Variants in ZNF440 observed in about 807,000 individuals in gnomAD.
The protein encoded by ZNF440 is zinc finger protein 440.
In ZNF440, 47 loss-of-function variants were observed where a neutral mutation model predicts 49.7. That is an observed-to-expected ratio of 0.95 (90% CI 0.75 to 1.21). ZNF440 has a LOEUF of 1.21. ZNF440 is among the 50% of genes most tolerant of loss of function. The pLI is 0.00. For missense variants in ZNF440, 703 were observed against 715.0 expected, an observed-to-expected ratio of 0.98 and a Z score of 0.19; for synonymous variants, 255 against 237.7, an observed-to-expected ratio of 1.07 and a Z score of -0.67.
At chr19:11,819,403 T>G (rs951079975) in intron 1 of ZNF440, among the ~76,000 whole-genome samples, 18 of 145,738 alleles carry the variant, frequency 1.2e-4, no homozygotes, top group Middle Eastern at 3.2e-3. Context: ...TTGTTTGTTT[T>G]TTTGATTTTT....
rs1462499102 is a variant in ZNF440 at position 11,833,541 on chromosome 19, A to G, written c.*577A>G. ...TTCACTTCTTCCAGTTCTTTTCAATATCATGAAAGAACACACTAGGGAGAA... is the reference window on the plus strand; with the variant it reads ...TTCACTTCTTCCAGTTCTTTTCAATGTCATGAAAGAACACACTAGGGAGAA... On this transcript the variant is annotated 3_prime_UTR_variant, in exon 4 of 4. Transcript: ENST00000304060. The G allele has an allele frequency of 1.8e-5, 5 of 272,962 alleles. No individual in the cohort carries two copies. The highest frequency in any genetic ancestry group is 3.6e-5 in the Non-Finnish European group (5 of 140,380). 16.9% of individuals were successfully genotyped at this position (272,962 alleles called of 1,614,324 possible). A position where few individuals can be genotyped will look rare whatever the true frequency, so the allele number is the denominator to read the frequency against.
intron 1 of ZNF440, chr19:11,817,773 G>GTAGGGATC (rs1239882292): frequency 6.6e-6 from 1 of 152,118 alleles, no homozygotes; most frequent in Non-Finnish European, 1.5e-5. Flanking sequence ...TTTTTCTTAT[G>GTAGGGATC]TAGGGATCTT....
At chr19:11,823,719 T>C (rs934173703) in intron 1 of ZNF440, among the ~76,000 whole-genome samples, 1 of 152,172 alleles carries the variant, frequency 6.6e-6, no homozygotes, top group Admixed American at 6.6e-5. Flanking sequence ...ATCCCAATAT[T>C]TGGGAGGCCG....
In ZNF440 at chr19:11,834,419, G is replaced by C. The variant is rs955422763; in HGVS notation, c.*1455G>C. 6.6e-6 allele frequency: 1 copy of C among 152,258 alleles called. No homozygotes were observed. Among genetic ancestry groups the C allele is most frequent in the East Asian group, 1.9e-4 (1 of 5,192 alleles). 9.4% of individuals were successfully genotyped at this position (152,258 alleles called of 1,614,324 possible). A position where few individuals can be genotyped will look rare whatever the true frequency, so the allele number is the denominator to read the frequency against. On this transcript the variant is annotated 3_prime_UTR_variant, in exon 4 of 4. Coordinates refer to ENST00000304060, the MANE Select transcript of ZNF440 (RefSeq NM_152357.3). ...TGGGATTACAGACATGAACCATCATGCCCAGCTGCAACCCTAATTTTTCAT... is the reference window on the plus strand; with the variant it reads ...TGGGATTACAGACATGAACCATCATCCCCAGCTGCAACCCTAATTTTTCAT...
chr19:11,827,048 T>A (rs1014395736), intron 1 of ZNF440, among the ~76,000 whole-genome samples: 1 of 150,296 alleles, frequency 6.7e-6, no homozygotes, highest in Non-Finnish European at 1.5e-5. Flanking sequence ...TAGCGGGAGG[T>A]ATACTTGGAA....
intron 1 of ZNF440, among the ~76,000 whole-genome samples, chr19:11,826,865 T>C (rs1204844440): frequency 6.6e-6 from 1 of 151,948 alleles, no homozygotes; most frequent in African/African-American, 2.4e-5. Flanking sequence ...AGTTTCACTG[T>C]GTTGGCCAGG....
chr19:11,828,973 C>G (rs747740436), intron 1 of ZNF440, among the ~76,000 whole-genome samples: 6 of 152,164 alleles, frequency 3.9e-5, no homozygotes, highest in Admixed American at 2.6e-4. Flanking sequence ...CATGAGCCAC[C>G]ACGCCTGGCT....
chr19:11,826,035 C>T (rs1293043351), intron 1 of ZNF440, among the ~76,000 whole-genome samples: 38 of 152,064 alleles, frequency 2.5e-4, no homozygotes, highest in Admixed American at 2.5e-3. Context: ...TGGTCTCGAA[C>T]TCCTGACCTC....
chr19:11,815,643 G>A (rs1975724193), intron 1 of ZNF440, among the ~76,000 whole-genome samples: 1 of 152,152 alleles, frequency 6.6e-6, no homozygotes, highest in Non-Finnish European at 1.5e-5. Context: ...GGTGGCTCAC[G>A]CCTGTAATCC....
Position 11,814,413 on chromosome 19 carries a change from C to T in ZNF440, c.-35C>T, listed in dbSNP as rs765855792. ...TGACCTACACTAGTCGCGGGAGCCA[C>T]GCAGAGGACGCCGGAACACCCTGGA... is the stretch of plus-strand genomic sequence containing the variant. On this transcript the variant is annotated 5_prime_UTR_variant, in exon 1 of 4. In the 5' UTR this introduces an upstream ATG that the reference lacks. Transcript: ENST00000304060. 1.9e-6 allele frequency: 3 copies of T among 1,559,348 alleles called. No homozygotes were observed. The highest frequency in any genetic ancestry group is 2.6e-6 in the Non-Finnish European group (3 of 1,154,352).
chr19:11,828,906 A>G (rs907203533), intron 1 of ZNF440, among the ~76,000 whole-genome samples: 1 of 150,464 alleles, frequency 6.6e-6, no homozygotes, highest in African/African-American at 2.4e-5. Context: ...CTGATCTTGA[A>G]CTCCAACCCT....
Position 11,814,362 on chromosome 19 carries a change from C to T in ZNF440, c.-86C>T. ...GAGGGACTAGGTGCCTCCACCAGAG[C>T]TTCTGTCGCTCTGTAACCTGCACTG... On this transcript the variant is annotated 5_prime_UTR_variant, in exon 1 of 4. Coordinates refer to ENST00000304060, the MANE Select transcript of ZNF440 (RefSeq NM_152357.3). 6.9e-7 allele frequency: 1 copy of T among 1,451,958 alleles called. No individual in the cohort carries two copies. Among genetic ancestry groups the T allele is most frequent in the Non-Finnish European group, 9.1e-7 (1 of 1,092,940 alleles). The allele number at this position is 1,451,958 out of a possible 1,614,324, so 89.9% of individuals were successfully genotyped here.
chr19:11,831,930 G>GGA lies in ZNF440; in HGVS notation c.757_758dup (p.Pro255SerfsTer78). The GGA allele has an allele frequency of 6.2e-7, 1 of 1,613,944 alleles. No homozygotes were observed. Among genetic ancestry groups the GGA allele is most frequent in the Non-Finnish European group, 8.5e-7 (1 of 1,179,960 alleles). ...TCGAATACATAAAAGAACTCACACT[G>GGA]GAGAAAAGCCTTATGAATATCAGGA... On this transcript the variant is annotated frameshift_variant, in exon 4 of 4. Coordinates refer to ENST00000304060, the MANE Select transcript of ZNF440 (RefSeq NM_152357.3). LOFTEE classifies it high-confidence loss of function.
Position 11,832,220 on chromosome 19 carries a change from CTT to C in ZNF440, c.1047_1048del (p.Phe349LeufsTer10), listed in dbSNP as rs1975954150. ...PYECKICGKDFCSVNSFQRHE... is the reference protein window; with the variant it reads ...PYECKICGKDXCSVNSFQRHE... ...ATGAATGTAAGATATGTGGAAAAGA[CTT>C]TTGTTCTGTGAATTCATTTCAAAGA... is the stretch of plus-strand genomic sequence containing the variant. On this transcript the variant is annotated frameshift_variant, in exon 4 of 4. Transcript: ENST00000304060. LOFTEE classifies it high-confidence loss of function. 6.2e-7 allele frequency: 1 copy of C among 1,614,028 alleles called. No individual in the cohort carries two copies. The highest frequency in any genetic ancestry group is 8.5e-7 in the Non-Finnish European group (1 of 1,180,002).
chr19:11,827,745 T>G (rs1178918878), intron 1 of ZNF440: 2 of 152,208 alleles, frequency 1.3e-5, no homozygotes, highest in Non-Finnish European at 2.9e-5. Context: ...CTAATTCAGG[T>G]GTTTCAATAC....
chr19:11,822,229 G>T (rs1053538188), intron 1 of ZNF440, among the ~76,000 whole-genome samples: 2 of 152,184 alleles, frequency 1.3e-5, no homozygotes, highest in African/African-American at 2.4e-5. Flanking sequence ...ATGCAGTTGT[G>T]TAATAAATAT....
chr19:11,828,067 A>G (rs181315167), intron 1 of ZNF440, among the ~76,000 whole-genome samples: 3 of 152,340 alleles, frequency 2.0e-5, no homozygotes, highest in African/African-American at 7.2e-5. Context: ...GACTTTGGCC[A>G]TGACCTTGAG....
At chr19:11,819,073 C>T (rs1975767148) in intron 1 of ZNF440, among the ~76,000 whole-genome samples, 1 of 151,986 alleles carries the variant, frequency 6.6e-6, no homozygotes, top group African/African-American at 2.4e-5. Context: ...TTTGGGAGGC[C>T]AAGGCAGGTG....
intron 1 of ZNF440, among the ~76,000 whole-genome samples, chr19:11,824,000 TC>T (rs1385665436): frequency 1.3e-5 from 2 of 150,514 alleles, no homozygotes; most frequent in Admixed American, 6.6e-5. Flanking sequence ...TATTCCAGTG[TC>T]GGCAACATGG....
Sources: gnomAD v4.1 joint callset for allele counts (sites outside exome capture counted in the v4.1 genomes callset) on GRCh38, gnomAD v4.1.1 for gene constraint, MANE v1.5 for transcripts, NCBI Gene and HGNC (gene_info 2026-07-23, HGNC 2026-07-21) for gene names.